SMURF1: variants seen among roughly 807,000 people sequenced by gnomAD.
The protein encoded by SMURF1 is E3 ubiquitin-protein ligase SMURF1.
A neutral mutation model predicts 98.0 loss-of-function variants in SMURF1; 44 were observed. That is an observed-to-expected ratio of 0.45 (90% CI 0.35 to 0.58). The LOEUF (loss-of-function observed/expected upper bound fraction) is 0.58. Among genes scored for constraint, SMURF1 ranks in the 20% least tolerant of loss-of-function variants. The pLI is 0.00. For missense variants in SMURF1, 687 were observed against 938.4 expected, an observed-to-expected ratio of 0.73 and a Z score of 3.50; for synonymous variants, 396 against 374.9, an observed-to-expected ratio of 1.06 and a Z score of -0.65.
rs1160950926 is a variant in SMURF1, at chr7:99,042,236, G to A, written c.1257-4C>T. 6.3e-7 allele frequency: 1 copy of A among 1,595,524 alleles called. No homozygotes were observed. Among genetic ancestry groups the A allele is most frequent in the South Asian group, 1.2e-5 (1 of 86,920 alleles). On this transcript the variant is annotated splice_polypyrimidine_tract_variant and splice_region_variant and intron_variant, in intron 11 of 17. Coordinates refer to ENST00000361368, the MANE Select transcript of SMURF1 (RefSeq NM_181349.3). ...GCACAGCAAGTAAAGCCACTCCCTG[G>A]GAGCAAACAACAAAAATGCATTTGA...
chr7:99,045,680 A>G lies in SMURF1; in HGVS notation c.1256+18T>C, dbSNP rs1323567322. 2 of 1,595,644 alleles carry G rather than the reference A, an allele frequency of 1.3e-6. No homozygotes were observed. The highest frequency in any genetic ancestry group is 2.2e-5 in the South Asian group (2 of 90,702). Reference sequence around the variant, plus strand: ...TGAGATCCACACAGCAGAGAAGGTGAATGAACAAGCAGCTCACCTGGCCAC... The same window carrying G: ...TGAGATCCACACAGCAGAGAAGGTGGATGAACAAGCAGCTCACCTGGCCAC... On this transcript the variant is annotated intron_variant, in intron 11 of 17. Transcript: ENST00000361368.
intron 1 of SMURF1, chr7:99,081,273 G>A (rs545705670): frequency 2.0e-5 from 3 of 152,248 alleles, no homozygotes; most frequent in African/African-American, 4.8e-5. Context: ...CTGGGAGACC[G>A]AGGCAGGAAT....
chr7:99,037,424 G>C lies in SMURF1; in HGVS notation c.1689-237C>G, dbSNP rs531058959. The stretch of plus-strand genomic sequence containing the variant: ...GGCTAATTTTTGTATTTTTAGTGGA[G>C]ATGGGGTTTCACCATGTTGGCCATG... On this transcript the variant is annotated intron_variant, in intron 14 of 17. Transcript: ENST00000361368. Among the ~76,000 whole-genome samples, 17 of 152,266 alleles carry C rather than the reference G, an allele frequency of 1.1e-4. No homozygotes were observed. In the East Asian group the frequency reaches 3.3e-3, roughly 29 times the overall value.
intron 3 of SMURF1, 35 bp from the exon 4 acceptor site, chr7:99,057,586 G>A (rs753869652): frequency 1.5e-6 from 2 of 1,367,678 alleles, no homozygotes; most frequent in Non-Finnish European, 1.9e-6. Flanking sequence ...TTTTAATTGT[G>A]TTTGGTTTTT....
At chr7:99,134,234 C>T (rs568744554) in intron 1 of SMURF1, among the ~76,000 whole-genome samples, 1 of 151,556 alleles carries the variant, frequency 6.6e-6, no homozygotes, top group African/African-American at 2.4e-5. Flanking sequence ...TTCTCTTTTC[C>T]CCAATCCTTA....
chr7:99,049,368 CAT>C, intron 9 of SMURF1, 193 bp downstream of exon 9: 2 of 593,504 alleles, frequency 3.4e-6, no homozygotes, highest in Non-Finnish European at 5.8e-6. Context: ...GTAGCAACAA[CAT>C]AGGGCTTCAG....
At chr7:99,038,262 T>C (rs914358892) in intron 14 of SMURF1, 126 bp downstream of exon 14, 8 of 1,168,554 alleles carry the variant, frequency 6.8e-6, no homozygotes, top group African/African-American at 4.6e-5. Context: ...CCTCTGTTCA[T>C]GTGATCTGAT....
intron 1 of SMURF1, among the ~76,000 whole-genome samples, chr7:99,065,997 G>A (rs1319590195): frequency 6.6e-6 from 1 of 150,908 alleles, no homozygotes; most frequent in Admixed American, 6.6e-5. Context: ...AGTGAACTGA[G>A]ATCGCGCCAC....
At chr7:99,063,283 A>ATATATAAGATTTT (rs1796105979) in intron 1 of SMURF1, among the ~76,000 whole-genome samples, 2 of 17,348 alleles carry the variant, frequency 1.2e-4, no homozygotes, top group Non-Finnish European at 3.1e-4. Context: ...ATATATATAT[A>ATATATAAGATTTT]TATATATATA....
chr7:99,037,685 C>G (rs1466699810), intron 14 of SMURF1, among the ~76,000 whole-genome samples: 3 of 152,218 alleles, frequency 2.0e-5, no homozygotes, highest in Admixed American at 6.5e-5. Flanking sequence ...AGCACGTGCC[C>G]TGATTCATTC....
At chr7:99,066,072 GACT>G (rs1203752455) in intron 1 of SMURF1, among the ~76,000 whole-genome samples, 6 of 150,528 alleles carry the variant, frequency 4.0e-5, no homozygotes, top group Admixed American at 1.3e-4. Context: ...CAAGCGAGAA[GACT>G]ACATGTTCTC....
chr7:99,072,562 G>C (rs932981355), intron 1 of SMURF1, among the ~76,000 whole-genome samples: 3 of 152,198 alleles, frequency 2.0e-5, no homozygotes, highest in Admixed American at 6.5e-5. Flanking sequence ...AGAATCACTT[G>C]AACCTGGGGG....
At chr7:99,106,398 T>G (rs1797194643) in intron 1 of SMURF1, among the ~76,000 whole-genome samples, 1 of 152,234 alleles carries the variant, frequency 6.6e-6, no homozygotes, top group Admixed American at 6.5e-5. Flanking sequence ...GTTTGTGAAA[T>G]TTCAGCATTT....
At chr7:99,049,941 G>A (rs1408858753) in intron 8 of SMURF1, 4 of 415,410 alleles carry the variant, frequency 9.6e-6, no homozygotes, top group East Asian at 7.7e-5. Flanking sequence ...GGCTGGGCGC[G>A]GTAGCTCACG....
rs538672940 is a variant in SMURF1 at position 99,108,257 on chromosome 7, G to A, written c.55+35469C>T. On this transcript the variant is annotated intron_variant, in intron 1 of 17. Transcript: ENST00000361368. ...TTTTGATACGGAGTCTCGCTCTGTC[G>A]CCCAGGCTGGAGTGCAGTGGCGCGA... 2.0e-4 allele frequency among the ~76,000 whole-genome samples: 30 copies of A among 151,712 alleles called. No individual in the cohort carries two copies. The East Asian group carries it at 4.4e-3, about 22-fold the overall frequency.
At chr7:99,049,966 AC>A in intron 8 of SMURF1, 1 of 333,870 alleles carries the variant, frequency 3.0e-6, no homozygotes, top group Admixed American at 4.7e-5. Flanking sequence ...TAATCCCAGC[AC>A]TCTGGGAGGC....
chr7:99,113,397 T>C (rs1187024480), intron 1 of SMURF1, among the ~76,000 whole-genome samples: 1 of 152,116 alleles, frequency 6.6e-6, no homozygotes, highest in African/African-American at 2.4e-5. Flanking sequence ...AAGAAAAGCA[T>C]TGTCAACCAA....
intron 15 of SMURF1, among the ~76,000 whole-genome samples, chr7:99,036,723 T>TAAGA (rs1358072405): frequency 2.0e-5 from 3 of 152,090 alleles, no homozygotes; most frequent in Non-Finnish European, 4.4e-5. Flanking sequence ...TAAAAAGCAG[T>TAAGA]AAGATGCTCT....
Position 99,119,901 on chromosome 7 carries a change from T to C in SMURF1, c.55+23825A>G, listed in dbSNP as rs115141780. 6.8e-3 allele frequency among the ~76,000 whole-genome samples: 1,030 copies of C among 152,306 alleles called. 17 individuals carry two copies. The highest frequency in any genetic ancestry group is 0.024 in the African/African-American group (981 of 41,562). ...GATCTTCCAACTGTCCCTAAAAATT[T>C]GATGTATTGGTTTAACTCATGGTGA... On this transcript the variant is annotated intron_variant, in intron 1 of 17. Transcript: ENST00000361368.
Sources: allele counts gnomAD v4.1 joint callset (sites outside exome capture counted in the v4.1 genomes callset), GRCh38; gene constraint gnomAD v4.1.1; transcripts MANE v1.5; gene names NCBI Gene and HGNC (gene_info 2026-07-23, HGNC 2026-07-21).